Variants in GPM6A observed in about 807,000 individuals in gnomAD.
GPM6A encodes the protein neuronal membrane glycoprotein M6-a.
GPM6A carries 7 observed loss-of-function variants against 32.1 expected under a neutral mutation model. The ratio of observed to expected loss-of-function variants is 0.22; its 90% CI spans 0.12 to 0.41. GPM6A has a LOEUF of 0.41. Among genes scored for constraint, GPM6A ranks in the 10% least tolerant of loss-of-function variants. The pLI is 1.00. For synonymous variants in GPM6A, 130 were observed against 123.4 expected (o/e 1.05, Z -0.35); for missense variants, 235 against 347.2 (o/e 0.68, Z 2.57).
chr4:175,968,330 T>C (rs907359198), intron 1 of GPM6A, among the ~76,000 whole-genome samples: 1 of 152,156 alleles, frequency 6.6e-6, no homozygotes, highest in Non-Finnish European at 1.5e-5. Context: ...TCTTAGGGGA[T>C]GACATAGGAG....
At chr4:175,899,545 T>C in intron 1 of GPM6A, among the ~76,000 whole-genome samples, 1 of 151,556 alleles carries the variant, frequency 6.6e-6, no homozygotes, top group East Asian at 1.9e-4. Flanking sequence ...TGGAACAGAG[T>C]AAAGAACACA....
intron 1 of GPM6A, among the ~76,000 whole-genome samples, chr4:175,994,449 T>C (rs1741242334): frequency 6.6e-6 from 1 of 152,180 alleles, no homozygotes; most frequent in African/African-American, 2.4e-5. Context: ...CACATGAATT[T>C]TTTGATTTCC....
chr4:175,637,734 TATTATATAAAA>T (rs1740869144), intron 6 of GPM6A, among the ~76,000 whole-genome samples: 1 of 64,952 alleles, frequency 1.5e-5, no homozygotes, highest in Non-Finnish European at 2.6e-5. Context: ...ATATATTATA[TATTATATAAAA>T]ATATAATATA....
chr4:175,860,816 A>G (rs532262425), intron 1 of GPM6A, among the ~76,000 whole-genome samples: 1 of 152,344 alleles, frequency 6.6e-6, no homozygotes, highest in East Asian at 1.9e-4. Context: ...ATGTTTAAGC[A>G]GATGGCTATT....
intron 1 of GPM6A, among the ~76,000 whole-genome samples, chr4:175,880,950 C>G (rs1255447748): frequency 6.6e-6 from 1 of 152,020 alleles, no homozygotes; most frequent in Non-Finnish European, 1.5e-5. Context: ...CAGAGGGCAT[C>G]CCCGTCTTGT....
At chr4:175,825,793 TC>T (rs1735415252) in intron 1 of GPM6A, among the ~76,000 whole-genome samples, 1 of 152,316 alleles carries the variant, frequency 6.6e-6, no homozygotes, top group East Asian at 1.9e-4. Context: ...CCAGATGGGA[TC>T]TTTTGTAATT....
chr4:175,971,428 G>A (rs938164254), intron 1 of GPM6A, among the ~76,000 whole-genome samples: 5 of 152,106 alleles, frequency 3.3e-5, no homozygotes, highest in Admixed American at 2.0e-4. Context: ...AAAATATTGC[G>A]TGCACGTAAT....
intron 1 of GPM6A, among the ~76,000 whole-genome samples, chr4:175,771,392 C>T (rs148987828): frequency 0.022 from 3,266 of 151,746 alleles, 58 homozygotes; most frequent in Non-Finnish European, 0.031. Flanking sequence ...GCCAACATGG[C>T]GAAACCCTGT....
chr4:175,930,951 G>A (rs1739020123), intron 1 of GPM6A, among the ~76,000 whole-genome samples: 2 of 151,912 alleles, frequency 1.3e-5, no homozygotes, highest in South Asian at 4.2e-4. Context: ...CCATTATTAG[G>A]ATTTGCTAAG....
At chr4:175,761,260 G>A (rs1006079497) in intron 1 of GPM6A, among the ~76,000 whole-genome samples, 1 of 152,066 alleles carries the variant, frequency 6.6e-6, no homozygotes, top group Admixed American at 6.6e-5. Context: ...ATGTCTGCCT[G>A]TTTTTGTATT....
At chr4:175,636,260 GTA>G (rs34516159) in intron 6 of GPM6A, among the ~76,000 whole-genome samples, 3,439 of 100,808 alleles carry the variant, frequency 0.034, 69 homozygotes, top group South Asian at 0.068. Flanking sequence ...CATAATCACT[GTA>G]TATATATATA....
chr4:175,669,834 A>T (rs1222491749), intron 3 of GPM6A, among the ~76,000 whole-genome samples: 1 of 152,184 alleles, frequency 6.6e-6, no homozygotes, highest in Non-Finnish European at 1.5e-5. Context: ...TGCTGTCCTT[A>T]TAAAAAAAGG....
At chr4:175,744,365 C>G (rs1002531171) in intron 1 of GPM6A, among the ~76,000 whole-genome samples, 5 of 151,768 alleles carry the variant, frequency 3.3e-5, no homozygotes, top group Non-Finnish European at 7.4e-5. Flanking sequence ...AATCTGTGTT[C>G]CAGGGAAATT....
intron 1 of GPM6A, among the ~76,000 whole-genome samples, chr4:175,737,377 C>T (rs1423312063): frequency 6.6e-6 from 1 of 152,004 alleles, no homozygotes; most frequent in Non-Finnish European, 1.5e-5. Flanking sequence ...TGTAATCCTG[C>T]ATGCCTGTAA....
At chr4:175,880,710 C>A (rs1484833866) in intron 1 of GPM6A, among the ~76,000 whole-genome samples, 4 of 152,042 alleles carry the variant, frequency 2.6e-5, no homozygotes, top group African/African-American at 4.8e-5. Context: ...GTGTATAAGA[C>A]TGCTTGTGAT....
At chr4:175,887,923 T>G (rs1737514708) in intron 1 of GPM6A, among the ~76,000 whole-genome samples, 1 of 151,924 alleles carries the variant, frequency 6.6e-6, no homozygotes, top group Non-Finnish European at 1.5e-5. Context: ...TAAGGAGAGA[T>G]AATTTCTATT....
intron 1 of GPM6A, among the ~76,000 whole-genome samples, chr4:175,806,652 T>C: frequency 6.6e-6 from 1 of 152,238 alleles, no homozygotes; most frequent in South Asian, 2.1e-4. Context: ...GTTCTACGAA[T>C]ATCTATTGAA....
intron 1 of GPM6A, among the ~76,000 whole-genome samples, chr4:175,914,926 C>G (rs545567247): frequency 6.6e-6 from 1 of 152,122 alleles, no homozygotes; most frequent in Non-Finnish European, 1.5e-5. Context: ...AATCAAGAAC[C>G]TAGAAAAGTG....
chr4:175,965,608 T>TTC (rs1372353861), intron 1 of GPM6A, among the ~76,000 whole-genome samples: 2 of 148,946 alleles, frequency 1.3e-5, no homozygotes, highest in African/African-American at 2.6e-5. Flanking sequence ...GAGGGACTAT[T>TTC]TCTCTCTTTT....
Sources: gnomAD v4.1 joint callset for allele counts (sites outside exome capture counted in the v4.1 genomes callset) on GRCh38, gnomAD v4.1.1 for gene constraint, MANE v1.5 for transcripts, NCBI Gene and HGNC (gene_info 2026-07-23, HGNC 2026-07-21) for gene names.